RIMS4: variants seen among roughly 807,000 people sequenced by gnomAD.
The protein encoded by RIMS4 is regulating synaptic membrane exocytosis 4, also known as regulating synaptic membrane exocytosis protein 4.
Under a neutral mutation model 29.0 loss-of-function variants are expected in RIMS4, and 9 were observed. The observed-to-expected ratio is 0.31, with a 90% confidence interval of 0.19 to 0.54. The LOEUF is 0.54. Among genes scored for constraint, RIMS4 ranks in the 20% least tolerant of loss-of-function variants. The probability of loss-of-function intolerance (pLI) is 0.94; values close to 1 mark genes in which losing one functional copy is unlikely to be tolerated. For missense variants in RIMS4, 193 were observed against 365.7 expected (o/e 0.53, Z 3.85); for synonymous variants, 130 against 152.9 (o/e 0.85, Z 1.10).
At chr20:44,765,296 C>T (rs1273084513) in intron 2 of RIMS4, among the ~76,000 whole-genome samples, 4 of 152,118 alleles carry the variant, frequency 2.6e-5, no homozygotes, top group Admixed American at 6.5e-5. Flanking sequence ...GTCAAAGCTA[C>T]GGGGTCAGGC....
At chr20:44,767,829 G>T (rs1294059758) in intron 2 of RIMS4, among the ~76,000 whole-genome samples, 1 of 152,218 alleles carries the variant, frequency 6.6e-6, no homozygotes, top group Non-Finnish European at 1.5e-5. Flanking sequence ...TTCTCTGCAA[G>T]AGTTAGCCAC....
At position 44,756,126 on chromosome 20, in the gene RIMS4, T is replaced by C; in HGVS notation, c.*8A>G. The C allele has an allele frequency of 6.3e-7, 1 of 1,585,886 alleles. No individual in the cohort carries two copies. The highest frequency in any genetic ancestry group is 2.2e-4 in the Middle Eastern group (1 of 4,490). ...GGCCATCTTGGGGAGCCCCTCCCCATTCCAGCACTAAGATCGTTCTCCGCA... is the reference window on the plus strand; with the variant it reads ...GGCCATCTTGGGGAGCCCCTCCCCACTCCAGCACTAAGATCGTTCTCCGCA... On this transcript the variant is annotated 3_prime_UTR_variant, in exon 6 of 6. Transcript: ENST00000372851. The surrounding 1 kb of genome is among the most constrained non-coding windows in gnomAD (Gnocchi z 5.9).
intron 1 of RIMS4, among the ~76,000 whole-genome samples, chr20:44,809,760 CTG>C: frequency 6.6e-6 from 1 of 152,048 alleles, no homozygotes; most frequent in Non-Finnish European, 1.5e-5. Context: ...GAGGTAAGGT[CTG>C]CGCGCCACCT....
At chr20:44,767,011 C>G (rs1568896540) in intron 2 of RIMS4, among the ~76,000 whole-genome samples, 1 of 152,242 alleles carries the variant, frequency 6.6e-6, no homozygotes. Context: ...GCATGTTTCA[C>G]ATGGGTTCCG....
At chr20:44,759,216 C>A (rs2066073651) in intron 2 of RIMS4, among the ~76,000 whole-genome samples, 1 of 152,102 alleles carries the variant, frequency 6.6e-6, no homozygotes, top group African/African-American at 2.4e-5. Context: ...TGATCCTCAC[C>A]ACAACCACAG....
intron 1 of RIMS4, among the ~76,000 whole-genome samples, chr20:44,773,612 G>C (rs2066146627): frequency 6.6e-6 from 1 of 152,084 alleles, no homozygotes; most frequent in South Asian, 2.1e-4. Flanking sequence ...CCCCACCCCG[G>C]ATCCATCTCC....
chr20:44,789,828 G>C (rs1322172628), intron 1 of RIMS4, among the ~76,000 whole-genome samples: 1 of 152,224 alleles, frequency 6.6e-6, no homozygotes, highest in Non-Finnish European at 1.5e-5. Flanking sequence ...AAAGTGCCGG[G>C]ATTACAGTCA....
At chr20:44,776,610 A>C (rs1432426211) in intron 1 of RIMS4, among the ~76,000 whole-genome samples, 1 of 152,234 alleles carries the variant, frequency 6.6e-6, no homozygotes, top group Non-Finnish European at 1.5e-5. Flanking sequence ...TAGGGATAAA[A>C]GCACCAGAAT....
At chr20:44,808,444 C>T (rs1420610548) in intron 1 of RIMS4, among the ~76,000 whole-genome samples, 1 of 152,186 alleles carries the variant, frequency 6.6e-6, no homozygotes, top group Non-Finnish European at 1.5e-5. Flanking sequence ...CAAACCCATG[C>T]TCCTGCCCAG....
intron 2 of RIMS4, among the ~76,000 whole-genome samples, chr20:44,765,399 G>T (rs2066109355): frequency 6.6e-6 from 1 of 152,134 alleles, no homozygotes; most frequent in Non-Finnish European, 1.5e-5. Flanking sequence ...CAGGAAAACA[G>T]GAATAAAGAA....
At chr20:44,780,860 G>C (rs943703177) in intron 1 of RIMS4, among the ~76,000 whole-genome samples, 2 of 152,204 alleles carry the variant, frequency 1.3e-5, no homozygotes, top group Non-Finnish European at 2.9e-5. Context: ...GTGAGTGAAA[G>C]CAAGAGGGGC....
Position 44,757,651 on chromosome 20 carries a change from G to A in RIMS4, c.451+19C>T, listed in dbSNP as rs1361652073. On this transcript the variant is annotated intron_variant, in intron 4 of 5. Transcript: ENST00000372851. The stretch of plus-strand genomic sequence containing the variant: ...CCTGACCTCCACCCCCACCTTGCAG[G>A]GGAAGGTAGGCCCCAGACCTGGCAG... The A allele has an allele frequency of 1.3e-6, 2 of 1,585,950 alleles. No individual in the cohort carries two copies. The highest frequency in any genetic ancestry group is 1.1e-5 in the South Asian group (1 of 90,516).
intron 1 of RIMS4, among the ~76,000 whole-genome samples, chr20:44,793,081 T>C (rs2066239786): frequency 6.6e-6 from 1 of 152,094 alleles, no homozygotes; most frequent in African/African-American, 2.4e-5. Context: ...AGTGCCTTCC[T>C]CTAACTTGCA....
chr20:44,787,958 G>C (rs573433022), intron 1 of RIMS4, among the ~76,000 whole-genome samples: 4 of 152,336 alleles, frequency 2.6e-5, no homozygotes, highest in African/African-American at 9.6e-5. Flanking sequence ...CCTCATTTTA[G>C]TCCTGTGAGG....
intron 1 of RIMS4, among the ~76,000 whole-genome samples, chr20:44,772,938 A>AGAAGG (rs1267349727): frequency 1.3e-5 from 2 of 152,162 alleles, no homozygotes; most frequent in Non-Finnish European, 2.9e-5. Flanking sequence ...CCTGCCTCTA[A>AGAAGG]GAATCACACA....
chr20:44,781,986 C>T (rs1205434473), intron 1 of RIMS4, among the ~76,000 whole-genome samples: 3 of 152,224 alleles, frequency 2.0e-5, no homozygotes, highest in Non-Finnish European at 4.4e-5. Context: ...TCACCAAATA[C>T]AGCCCACGTA....
intron 1 of RIMS4, among the ~76,000 whole-genome samples, chr20:44,797,719 T>A (rs137987247): frequency 6.6e-6 from 1 of 152,310 alleles, no homozygotes; most frequent in East Asian, 1.9e-4. Flanking sequence ...AGACGAGCCC[T>A]AATTTAAAGC....
At chr20:44,765,801 C>T (rs1319418304) in intron 2 of RIMS4, among the ~76,000 whole-genome samples, 2 of 152,094 alleles carry the variant, frequency 1.3e-5, no homozygotes, top group African/African-American at 4.8e-5. Flanking sequence ...CCAGACATCT[C>T]GGGACAACAA....
At chr20:44,798,492 C>T (rs1483040426) in intron 1 of RIMS4, among the ~76,000 whole-genome samples, 1 of 152,192 alleles carries the variant, frequency 6.6e-6, no homozygotes, top group Non-Finnish European at 1.5e-5. Context: ...CCCACTCTCC[C>T]CACTCTGTAG....
Sources: gnomAD v4.1 joint callset for allele counts (sites outside exome capture counted in the v4.1 genomes callset) on GRCh38, gnomAD v4.1.1 for gene constraint, Gnocchi (gnomAD v3.1) non-coding constraint, MANE v1.5 for transcripts, NCBI Gene and HGNC (gene_info 2026-07-23, HGNC 2026-07-21) for gene names.